Variants in STAU1 observed in about 807,000 individuals in gnomAD.
STAU1 encodes double-stranded RNA-binding protein Staufen homolog 1.
In STAU1, 13 loss-of-function variants were observed where a neutral mutation model predicts 62.9. The ratio of observed to expected loss-of-function variants is 0.21; its 90% CI spans 0.13 to 0.33. The LOEUF (loss-of-function observed/expected upper bound fraction) is 0.33, where lower values mean the gene tolerates loss of function less well. STAU1 is among the 10% of genes least tolerant of loss of function. STAU1 has a pLI of 1.00. For synonymous variants in STAU1, 269 were observed against 265.1 expected (o/e 1.01, Z -0.14); for missense variants, 571 against 712.1 (o/e 0.80, Z 2.25).
chr20:49,204,418 T>C, the STAU1 span, among the ~76,000 whole-genome samples: 1 of 151,546 alleles, frequency 6.6e-6, no homozygotes, highest in Non-Finnish European at 1.5e-5. Flanking sequence ...ACATGCATAG[T>C]TCTATTTTTT....
At chr20:49,188,645 C>G (rs1174624728), upstream of STAU1, among the ~76,000 whole-genome samples, 1 of 152,236 alleles carries the variant, frequency 6.6e-6, no homozygotes, top group Non-Finnish European at 1.5e-5. Flanking sequence ...ACCCAGCCTA[C>G]CTTCTTTCCT....
the STAU1 span, among the ~76,000 whole-genome samples, chr20:49,218,573 AC>A: frequency 6.6e-6 from 1 of 151,938 alleles, no homozygotes; most frequent in East Asian, 1.9e-4. Flanking sequence ...AACAAAAAAA[AC>A]ATGATGGGGT....
At chr20:49,148,286 G>A (rs1387888238) in intron 5 of STAU1, among the ~76,000 whole-genome samples, 6 of 152,094 alleles carry the variant, frequency 3.9e-5, no homozygotes, top group Non-Finnish European at 7.4e-5. Flanking sequence ...GCAACGTGTC[G>A]CAGTCAAAAC....
the STAU1 span, among the ~76,000 whole-genome samples, chr20:49,211,314 T>C: frequency 6.6e-6 from 1 of 152,118 alleles, no homozygotes. Flanking sequence ...GTCCTTGCTT[T>C]CACTTCTTTT....
chr20:49,179,079 T>TA (rs3091668), intron 1 of STAU1: 331 of 114,166 alleles, frequency 2.9e-3, no homozygotes, highest in African/African-American at 6.8e-3. Flanking sequence ...AGACTCCATC[T>TA]AAAAAAAAAA....
At chr20:49,213,629 A>C in the STAU1 span, among the ~76,000 whole-genome samples, 1 of 152,236 alleles carries the variant, frequency 6.6e-6, no homozygotes, top group Non-Finnish European at 1.5e-5. Context: ...CCATTGGAAA[A>C]TCTTAAAGAT....
At chr20:49,177,623 G>A (rs1477901590) in intron 1 of STAU1, among the ~76,000 whole-genome samples, 2 of 150,760 alleles carry the variant, frequency 1.3e-5, no homozygotes, top group East Asian at 2.0e-4. Context: ...AGCTTGCAGT[G>A]AGCCGAGATC....
intron 6 of STAU1, among the ~76,000 whole-genome samples, chr20:49,126,588 C>CAAAAAAAAAAACAAAAAAAAAAAAAAAAA: frequency 1.8e-5 from 1 of 56,348 alleles, no homozygotes; most frequent in Non-Finnish European, 3.7e-5. Flanking sequence ...AAAAAAAAAA[C>CAAAAAAAAAAACAAAAAAAAAAAAAAAAA]AAAAAAAAAA....
intron 13 of STAU1, 120 bp downstream of exon 13, chr20:49,115,657 GCAAAA>G: frequency 1.2e-6 from 1 of 848,406 alleles, no homozygotes; most frequent in South Asian, 1.5e-5. Context: ...AAACTTTCAG[GCAAAA>G]GGGCCAGAAA....
At chr20:49,193,312 G>T (rs1341860601), upstream of STAU1, among the ~76,000 whole-genome samples, 2 of 151,666 alleles carry the variant, frequency 1.3e-5, no homozygotes, top group African/African-American at 4.9e-5. Context: ...AGGAAGTGGA[G>T]GTTGCAGTGA....
intron 6 of STAU1, among the ~76,000 whole-genome samples, chr20:49,133,352 C>T (rs2092794278): frequency 1.3e-5 from 2 of 152,206 alleles, no homozygotes; most frequent in South Asian, 4.1e-4. Flanking sequence ...CAACTCTGCA[C>T]ATGAGGTGAC....
the STAU1 span, among the ~76,000 whole-genome samples, chr20:49,203,830 G>GCA: frequency 7.9e-5 from 12 of 152,164 alleles, no homozygotes; most frequent in Non-Finnish European, 1.5e-4. Flanking sequence ...GGGATTACAG[G>GCA]CGTGCGCCAC....
At chr20:49,214,831 T>C in the STAU1 span, among the ~76,000 whole-genome samples, 1 of 152,206 alleles carries the variant, frequency 6.6e-6, no homozygotes, top group Non-Finnish European at 1.5e-5. Context: ...CACCTCCTAA[T>C]GCATCAGTTG....
intron 1 of STAU1, among the ~76,000 whole-genome samples, chr20:49,177,199 C>T (rs1401355593): frequency 2.0e-5 from 3 of 151,476 alleles, no homozygotes; most frequent in South Asian, 2.1e-4. Flanking sequence ...CGTGAGCCAC[C>T]GCACCTGGCC....
At chr20:49,154,098 G>C (rs767347436) in intron 3 of STAU1, 27 bp from the exon 4 acceptor site, 2 of 1,581,372 alleles carry the variant, frequency 1.3e-6, no homozygotes, top group South Asian at 1.2e-5. Flanking sequence ...ACAAAGAACT[G>C]TTTTTTTCTG....
intron 6 of STAU1, chr20:49,134,775 GA>G: frequency 2.5e-6 from 3 of 1,186,870 alleles, no homozygotes; most frequent in Non-Finnish European, 3.8e-6. Flanking sequence ...TATACACTGG[GA>G]ATCATTAGTT....
At chr20:49,189,819 A>G (rs2146670338), upstream of STAU1, among the ~76,000 whole-genome samples, 1 of 152,144 alleles carries the variant, frequency 6.6e-6, no homozygotes, top group Non-Finnish European at 1.5e-5. Flanking sequence ...TCTCAATCTA[A>G]TAATTGCTCA....
At chr20:49,195,912 AAAAAAGAAAAAAGAAAAAAAAAAAAC>A in the STAU1 span, among the ~76,000 whole-genome samples, 1 of 83,028 alleles carries the variant, frequency 1.2e-5, no homozygotes, top group Non-Finnish European at 3.0e-5. Context: ...AAAAAAAAAA[AAAAAAGAAAAAAGAAAAAAAAAAAAC>A]AAAGAAACAA....
At position 49,117,346 on chromosome 20, in the gene STAU1, C is replaced by T; in HGVS notation, c.1510-98G>A. The T allele has an allele frequency of 6.8e-7, 1 of 1,473,332 alleles. No individual in the cohort carries two copies. The highest frequency in any genetic ancestry group is 9.3e-7 in the Non-Finnish European group (1 of 1,078,002). The allele number at this position is 1,473,332 out of a possible 1,614,324, so 91.3% of individuals were successfully genotyped here. On this transcript the variant is annotated intron_variant, in intron 11 of 13. Transcript: ENST00000371856. This position sits in a 1 kb window ranked among gnomAD's most constrained non-coding sequence, Gnocchi z 4.6. Reference sequence around the variant, plus strand: ...GGCCCCACAAGCAAGATCACCAGCTCTTTTTTCCAACTCAGCCCCACTGTG... The same window carrying T: ...GGCCCCACAAGCAAGATCACCAGCTTTTTTTTCCAACTCAGCCCCACTGTG...
Sources: gnomAD v4.1 joint callset for allele counts (sites outside exome capture counted in the v4.1 genomes callset) on GRCh38, gnomAD v4.1.1 for gene constraint, Gnocchi (gnomAD v3.1) non-coding constraint, MANE v1.5 for transcripts, NCBI Gene and HGNC (gene_info 2026-07-23, HGNC 2026-07-21) for gene names.